KLHL6: variants seen among roughly 807,000 people sequenced by gnomAD.
The protein encoded by KLHL6 is kelch-like protein 6.
Under a neutral mutation model 58.6 loss-of-function variants are expected in KLHL6, and 41 were observed. The ratio of observed to expected loss-of-function variants is 0.70; its 90% CI spans 0.55 to 0.91. The LOEUF (loss-of-function observed/expected upper bound fraction) is 0.91. Among genes scored for constraint, KLHL6 ranks in the 40% least tolerant of loss-of-function variants. The pLI is 0.00. For missense variants in KLHL6, 714 were observed against 805.6 expected, an observed-to-expected ratio of 0.89 and a Z score of 1.38; for synonymous variants, 338 against 322.7, an observed-to-expected ratio of 1.05 and a Z score of -0.51.
chr3:183,514,907 T>C (rs1264359585), intron 2 of KLHL6, among the ~76,000 whole-genome samples: 1 of 152,130 alleles, frequency 6.6e-6, no homozygotes, highest in Non-Finnish European at 1.5e-5. Context: ...TAACCTCAAG[T>C]GATCTGCCCA....
At position 183,526,349 on chromosome 3, in the gene KLHL6, A is replaced by G. The variant is rs576360738; in HGVS notation, c.459+1496T>C. Among the ~76,000 whole-genome samples the G allele has an allele frequency of 3.5e-4, 54 of 152,238 alleles. 3 individuals carry two copies. The South Asian group carries it at 0.01, about 29-fold the overall frequency. On this transcript the variant is annotated intron_variant, in intron 2 of 6. Coordinates refer to ENST00000341319, the MANE Select transcript of KLHL6 (RefSeq NM_130446.4). ...AAATAAATAATTTTTACAAACCACA[A>G]AGTTATTTCAACAACCTATAAACTT...
chr3:183,498,566 CCT>C (rs1560091935), intron 4 of KLHL6, among the ~76,000 whole-genome samples: 1 of 152,170 alleles, frequency 6.6e-6, no homozygotes, highest in African/African-American at 2.4e-5. Context: ...TCTCTCTGAG[CCT>C]CTGTTTTCTC....
At chr3:183,512,981 T>C (rs1397006998) in intron 2 of KLHL6, among the ~76,000 whole-genome samples, 1 of 152,140 alleles carries the variant, frequency 6.6e-6, no homozygotes, top group Non-Finnish European at 1.5e-5. Context: ...TAGACCAACT[T>C]TCTCATTTAT....
rs980450449 is a variant in KLHL6 at position 183,544,792 on chromosome 3, A to T, written c.293+10569T>A. 9 of 154,904 alleles carry T rather than the reference A, an allele frequency of 5.8e-5. No individual in the cohort carries two copies. The East Asian group carries it at 1.8e-3, about 30-fold the overall frequency. 9.6% of individuals were successfully genotyped at this position (154,904 alleles called of 1,614,324 possible). ...CACACACACACACACACACACACAC[A>T]CACACACGCACAGCTCTTTAGCCAA... On this transcript the variant is annotated intron_variant, in intron 1 of 6. Transcript: ENST00000341319.
At position 183,492,546 on chromosome 3, in the gene KLHL6, CA is replaced by C. The variant is rs1428220745; in HGVS notation, c.1511del (p.Val504GlyfsTer9). 6.2e-7 allele frequency: 1 copy of C among 1,614,244 alleles called. No individual in the cohort carries two copies. Among genetic ancestry groups the C allele is most frequent in the South Asian group, 1.1e-5 (1 of 91,088 alleles). ...TCACTGCATTGATGCATTTAGCCTC[CA>C]CGGGCATGGCCGCCTTCAAACTCCA... ...NKWSLKAAMP[V>X]EAKCINAVSF... On this transcript the variant is annotated frameshift_variant, in exon 6 of 7. Coordinates refer to ENST00000341319, the MANE Select transcript of KLHL6 (RefSeq NM_130446.4). LOFTEE classifies it high-confidence loss of function. This position sits in a 1 kb window ranked among gnomAD's most constrained non-coding sequence, Gnocchi z 5.9.
At chr3:183,531,736 G>A (rs1176683304) in intron 1 of KLHL6, among the ~76,000 whole-genome samples, 6 of 152,122 alleles carry the variant, frequency 3.9e-5, no homozygotes, top group Admixed American at 2.6e-4. Context: ...GTGAGCCACC[G>A]TGCCCAGCCC....
chr3:183,535,517 T>A (rs928888077), intron 1 of KLHL6, among the ~76,000 whole-genome samples: 10 of 152,276 alleles, frequency 6.6e-5, no homozygotes, highest in African/African-American at 2.4e-4. Flanking sequence ...TTCATATAAC[T>A]GAGGCAACAC....
In KLHL6 at chr3:183,499,642, C is replaced by A. The variant is rs772446053; in HGVS notation, c.1095G>T (p.Lys365Asn). The A allele has an allele frequency of 2.5e-6, 4 of 1,609,992 alleles. No individual in the cohort carries two copies. The South Asian group carries it at 4.5e-5, about 18-fold the overall frequency. Reference sequence around the variant, plus strand: ...TCACGCATGCAAACTCCACCCACTTCTTATTCTCACTCTCCAGCTCATGCT... The same window carrying A: ...TCACGCATGCAAACTCCACCCACTTATTATTCTCACTCTCCAGCTCATGCT... ...LTEHELESEN[K>N]KWVEFACVTL... is the part of the protein sequence containing the mutation. Residue 365 changes from lysine (K) to asparagine (N), a missense_variant, in exon 4 of 7, where the codon AAG (lysine) becomes AAT (asparagine). Around this residue, in one of 2 missense-constraint regions of KLHL6, gnomAD observed 510 missense variants for 629.7 expected, o/e 0.81. Coordinates refer to ENST00000341319, the MANE Select transcript of KLHL6 (RefSeq NM_130446.4). The surrounding 1 kb of genome is among the most constrained non-coding windows in gnomAD (Gnocchi z 4.6).
chr3:183,511,542 C>T (rs1577184827), intron 2 of KLHL6, among the ~76,000 whole-genome samples: 1 of 152,178 alleles, frequency 6.6e-6, no homozygotes, highest in Admixed American at 6.5e-5. Flanking sequence ...TTTCCCATCC[C>T]ACGAGGCCAT....
At chr3:183,501,136 A>T (rs1427487588) in intron 3 of KLHL6, among the ~76,000 whole-genome samples, 1 of 152,192 alleles carries the variant, frequency 6.6e-6, no homozygotes, top group African/African-American at 2.4e-5. Context: ...TGGCTGGACA[A>T]AGCCTAGGCA....
chr3:183,555,628 G>A lies in KLHL6; in HGVS notation c.26C>T (p.Ala9Val), dbSNP rs201944986. 3.1e-6 allele frequency: 5 copies of A among 1,605,458 alleles called. No homozygotes were observed. In the South Asian group the frequency reaches 4.4e-5, roughly 14 times the overall value. ...CTCGACCACATCACCCATGGTCCAG[G>A]CGCCCCTTTGTCCTGCCATCAACAT... MLMAGQRG[A>V]WTMGDVVEKS... The change falls in exon 1 of 7, where the codon GCC becomes GTC. Residue 9 changes from alanine (A) to valine (V), a missense_variant. Ala to Val is a moderately conservative substitution (Grantham distance 64). Around this residue, in one of 2 missense-constraint regions of KLHL6, gnomAD observed 204 missense variants for 175.9 expected, o/e 1.16. Coordinates refer to ENST00000341319, the MANE Select transcript of KLHL6 (RefSeq NM_130446.4).
chr3:183,523,633 T>C (rs1036659942), intron 2 of KLHL6, among the ~76,000 whole-genome samples: 1 of 152,238 alleles, frequency 6.6e-6, no homozygotes, highest in Non-Finnish European at 1.5e-5. Context: ...ATCTTCTTGC[T>C]GCCTGCAGAT....
At position 183,508,461 on chromosome 3, in the gene KLHL6, C is replaced by T. The variant is rs768210810; in HGVS notation, c.507G>A (p.Leu169=). 6.2e-7 allele frequency: 1 copy of T among 1,614,040 alleles called. No homozygotes were observed. The highest frequency in any genetic ancestry group is 1.7e-5 in the Admixed American group (1 of 60,006). ...GTATTCCAACGCAGTTTTCTGGGTT[C>T]AAGGCTTCAGTGAGGAAGCTGGCAC... ...DACASFLTEA[L]NPENCVGILR... The change falls in exon 3 of 7, where the codon TTG becomes TTA. Residue 169 remains leucine (L), a synonymous_variant. Transcript: ENST00000341319.
Position 183,492,098 on chromosome 3 carries a change from C to T in KLHL6, c.1695G>A (p.Gly565=), listed in dbSNP as rs139938005. Residue 565 remains glycine (G), a synonymous_variant, in exon 7 of 7, where the codon GGG becomes GGA. Transcript: ENST00000341319. The surrounding 1 kb of genome is among the most constrained non-coding windows in gnomAD (Gnocchi z 5.9). The stretch of plus-strand genomic sequence containing the variant: ...CGATAACCTCGTTCTTCTCGTCCCG[C>T]CCGCCGGTGATGTAGAGCCGGTTGT... ...PCNNRLYITG[G]RDEKNEVIAT... 695 of 1,613,894 alleles carry T rather than the reference C, an allele frequency of 4.3e-4. 8 individuals carry two copies. The highest frequency in any genetic ancestry group is 2.7e-3 in the South Asian group (247 of 91,086).
intron 1 of KLHL6, among the ~76,000 whole-genome samples, chr3:183,546,951 G>A (rs552132450): frequency 5.6e-5 from 8 of 142,328 alleles, no homozygotes; most frequent in South Asian, 4.4e-4. Flanking sequence ...TCACTCTGTC[G>A]TCCAGGTTGG....
intron 4 of KLHL6, among the ~76,000 whole-genome samples, chr3:183,498,959 G>GGCCTATA (rs1163432439): frequency 1.3e-5 from 2 of 152,218 alleles, no homozygotes; most frequent in Non-Finnish European, 2.9e-5. Flanking sequence ...TATGCCTATA[G>GGCCTATA]CAGACACTGA....
At chr3:183,531,324 C>T (rs1476701653) in intron 1 of KLHL6, among the ~76,000 whole-genome samples, 1 of 151,576 alleles carries the variant, frequency 6.6e-6, no homozygotes, top group Non-Finnish European at 1.5e-5. Context: ...GAAGGGAAGA[C>T]AATCAAACCA....
intron 3 of KLHL6, among the ~76,000 whole-genome samples, chr3:183,501,547 C>A (rs1717866360): frequency 6.6e-6 from 1 of 152,196 alleles, no homozygotes; most frequent in Admixed American, 6.5e-5. Context: ...GCTCTCCTGA[C>A]CCAGTAACCT....
chr3:183,547,101 C>T (rs1185140421), intron 1 of KLHL6, among the ~76,000 whole-genome samples: 5 of 152,026 alleles, frequency 3.3e-5, no homozygotes, highest in East Asian at 1.9e-4. Context: ...TTAGTAGAGA[C>T]GGTGTTTCAC....
Sources: allele counts gnomAD v4.1 joint callset (sites outside exome capture counted in the v4.1 genomes callset), GRCh38; gene constraint gnomAD v4.1.1; regional missense constraint gnomAD v4.1.1; non-coding constraint Gnocchi (gnomAD v3.1); transcripts MANE v1.5; gene names NCBI Gene and HGNC (gene_info 2026-07-23, HGNC 2026-07-21).